Variants in RNF125 observed in about 807,000 individuals in gnomAD.
RNF125 encodes the protein E3 ubiquitin-protein ligase RNF125.
A neutral mutation model predicts 26.0 loss-of-function variants in RNF125; 21 were observed. That is an observed-to-expected ratio of 0.81 (90% CI 0.57 to 1.16). The LOEUF is 1.16. Among genes scored for constraint, RNF125 ranks in the 50% most tolerant of loss-of-function variants. The pLI is 0.00. For synonymous variants in RNF125, 95 were observed against 109.2 expected, an observed-to-expected ratio of 0.87 and a Z score of 0.81; for missense variants, 270 against 299.4, an observed-to-expected ratio of 0.90 and a Z score of 0.72.
At chr18:32,041,903 TACA>T (rs2039223836) in intron 2 of RNF125, 1 of 313,366 alleles carries the variant, frequency 3.2e-6, no homozygotes, top group Non-Finnish European at 6.1e-6. Flanking sequence ...GTGCTGGGAT[TACA>T]GGCGTGAGCC....
intron 1 of RNF125, among the ~76,000 whole-genome samples, chr18:32,026,496 T>A (rs2039037824): frequency 6.6e-6 from 1 of 152,126 alleles, no homozygotes; most frequent in Non-Finnish European, 1.5e-5. Context: ...TGCCTCGGCC[T>A]CCCAGAGTGC....
intron 4 of RNF125, among the ~76,000 whole-genome samples, chr18:32,059,393 T>C (rs952824563): frequency 6.6e-6 from 1 of 152,248 alleles, no homozygotes; most frequent in African/African-American, 2.4e-5. Flanking sequence ...CACTTTTTCA[T>C]ATGCCTATTT....
downstream of RNF125, among the ~76,000 whole-genome samples, chr18:32,073,590 T>A (rs1598831490): frequency 6.6e-6 from 1 of 152,250 alleles, no homozygotes; most frequent in Non-Finnish European, 1.5e-5. Flanking sequence ...GCAAGAGGCT[T>A]CACTGAAATT....
rs895701340 is a variant in RNF125, at chr18:32,028,174, T to A, written c.165-8942T>A. Among the ~76,000 whole-genome samples the A allele has an allele frequency of 2.8e-4, 42 of 151,684 alleles. No homozygotes were observed. The East Asian group carries it at 8.2e-3, about 29-fold the overall frequency. On this transcript the variant is annotated intron_variant, in intron 1 of 5. Transcript: ENST00000217740. ...TTAGCCGGGCATGGTGGCGGGTGCCTGTAGTCCCAGCTACTCAGGAGGCTG... is the reference window on the plus strand; with the variant it reads ...TTAGCCGGGCATGGTGGCGGGTGCCAGTAGTCCCAGCTACTCAGGAGGCTG...
intron 4 of RNF125, among the ~76,000 whole-genome samples, chr18:32,063,427 G>C (rs928768598): frequency 2.6e-5 from 4 of 152,098 alleles, no homozygotes; most frequent in African/African-American, 9.7e-5. Flanking sequence ...AATACCAAAT[G>C]TTGGGGAAAA....
At chr18:32,067,801 A>C (rs1406527071) in intron 5 of RNF125, among the ~76,000 whole-genome samples, 1 of 152,128 alleles carries the variant, frequency 6.6e-6, no homozygotes. Flanking sequence ...AGGGTTCTTA[A>C]TGGTTTTTGT....
chr18:32,039,482 T>C (rs1205611832), intron 2 of RNF125, among the ~76,000 whole-genome samples: 1 of 151,908 alleles, frequency 6.6e-6, no homozygotes, highest in African/African-American at 2.4e-5. Flanking sequence ...ATATGTGATA[T>C]ATATATAACT....
At chr18:32,077,690 AATC>A (rs756245249), downstream of RNF125, among the ~76,000 whole-genome samples, 7 of 151,902 alleles carry the variant, frequency 4.6e-5, no homozygotes, top group Non-Finnish European at 1.0e-4. Context: ...AGAAGAAAAA[AATC>A]ATAATATTAC....
At chr18:32,048,467 A>T (rs1028734183) in intron 4 of RNF125, among the ~76,000 whole-genome samples, 3 of 151,854 alleles carry the variant, frequency 2.0e-5, no homozygotes. Context: ...TGTCTCAAAA[A>T]AAAAGAGAGA....
chr18:32,055,290 C>T (rs1342608088), intron 4 of RNF125, among the ~76,000 whole-genome samples: 2 of 116,790 alleles, frequency 1.7e-5, no homozygotes, highest in Non-Finnish European at 3.6e-5. Context: ...CAAAAGGAGA[C>T]CATGTCTCTA....
At chr18:32,052,871 T>C (rs558327050) in intron 4 of RNF125, among the ~76,000 whole-genome samples, 1 of 152,348 alleles carries the variant, frequency 6.6e-6, no homozygotes, top group South Asian at 2.1e-4. Context: ...CTAAGGATCA[T>C]TGATATTAGA....
At chr18:32,086,677 C>T in the RNF125 span, among the ~76,000 whole-genome samples, 1 of 152,090 alleles carries the variant, frequency 6.6e-6, no homozygotes, top group Non-Finnish European at 1.5e-5. Context: ...CCTGCCACCA[C>T]ACCCAGCTAA....
At chr18:32,029,105 T>C (rs902285110) in intron 1 of RNF125, among the ~76,000 whole-genome samples, 2 of 152,224 alleles carry the variant, frequency 1.3e-5, no homozygotes, top group African/African-American at 4.8e-5. Flanking sequence ...ATTTCTAAGA[T>C]GTCTCATATA....
Position 32,072,811 on chromosome 18 carries a change from T to C in RNF125, c.*4427T>C, listed in dbSNP as rs988793081. The C allele has an allele frequency of 6.6e-6, 1 of 152,192 alleles. No homozygotes were observed. Among genetic ancestry groups the C allele is most frequent in the African/African-American group, 2.4e-5 (1 of 41,458 alleles). 9.4% of individuals were successfully genotyped at this position (152,192 alleles called of 1,614,324 possible). On this transcript the variant is annotated 3_prime_UTR_variant, in exon 6 of 6. Transcript: ENST00000217740. The stretch of plus-strand genomic sequence containing the variant: ...ACATGTTATTCTTCTAAAGCTAAAT[T>C]ATTAAAATGTAGGTTGAAAGATTGG...
chr18:32,045,968 G>A (rs1330256195), intron 4 of RNF125, among the ~76,000 whole-genome samples: 1 of 151,968 alleles, frequency 6.6e-6, no homozygotes, highest in African/African-American at 2.4e-5. Context: ...AGGTAATCAT[G>A]GGCATAATCA....
chr18:32,048,183 G>A (rs1445967750), intron 4 of RNF125, among the ~76,000 whole-genome samples: 2 of 151,252 alleles, frequency 1.3e-5, no homozygotes, highest in East Asian at 1.9e-4. Context: ...AGGCTGAGGC[G>A]GATGGATCAC....
At chr18:32,066,962 G>T (rs1260107967) in intron 5 of RNF125, among the ~76,000 whole-genome samples, 2 of 152,106 alleles carry the variant, frequency 1.3e-5, no homozygotes, top group African/African-American at 4.8e-5. Flanking sequence ...ATACAAAGAG[G>T]TTTCTCTTGG....
chr18:32,061,525 CT>C (rs1037668474), intron 4 of RNF125, among the ~76,000 whole-genome samples: 4 of 152,222 alleles, frequency 2.6e-5, no homozygotes, highest in Non-Finnish European at 5.9e-5. Flanking sequence ...ACTTCCCCAA[CT>C]TTCCCTACCT....
intron 4 of RNF125, among the ~76,000 whole-genome samples, chr18:32,060,176 A>G (rs1199608908): frequency 6.6e-6 from 1 of 152,354 alleles, no homozygotes; most frequent in East Asian, 1.9e-4. Flanking sequence ...CAGGAAATAG[A>G]AACCACAGGG....
Sources: allele counts gnomAD v4.1 joint callset (sites outside exome capture counted in the v4.1 genomes callset), GRCh38; gene constraint gnomAD v4.1.1; transcripts MANE v1.5; gene names NCBI Gene and HGNC (gene_info 2026-07-23, HGNC 2026-07-21).